IFT140: variants seen among roughly 807,000 people sequenced by gnomAD.
IFT140 encodes the protein intraflagellar transport protein 140 homolog.
A neutral mutation model predicts 164.6 loss-of-function variants in IFT140; 133 were observed. The observed-to-expected ratio is 0.81, with a 90% CI of 0.70 to 0.93. IFT140 has a LOEUF of 0.93. Among genes scored for constraint, IFT140 ranks in the 40% least tolerant of loss-of-function variants. The pLI is 0.00. For synonymous variants in IFT140, 860 were observed against 817.3 expected, an observed-to-expected ratio of 1.05 and a Z score of -0.89; for missense variants, 2,045 against 1,972.3, an observed-to-expected ratio of 1.04 and a Z score of -0.70.
intron 13 of IFT140, among the ~76,000 whole-genome samples, chr16:1,574,041 G>A (rs781765612): frequency 1.3e-5 from 2 of 152,148 alleles, no homozygotes; most frequent in Non-Finnish European, 2.9e-5. Flanking sequence ...GAACTAACCT[G>A]ATAAGCTGCC....
rs1445320417 is a variant in IFT140, at chr16:1,551,683, G to A, written c.2399+6252C>T. Among the ~76,000 whole-genome samples the A allele has an allele frequency of 6.6e-6, 1 of 152,150 alleles. No homozygotes were observed. Among genetic ancestry groups the A allele is most frequent in the Non-Finnish European group, 1.5e-5 (1 of 68,030 alleles). Reference sequence around the variant, plus strand: ...CCAACTTCAGGACATGCTTGTTCACGGAAGAGCCTAAGATCAGCGGCACTT... The same window carrying A: ...CCAACTTCAGGACATGCTTGTTCACAGAAGAGCCTAAGATCAGCGGCACTT... On this transcript the variant is annotated intron_variant, in intron 19 of 30. Coordinates refer to ENST00000426508, the MANE Select transcript of IFT140 (RefSeq NM_014714.4). This position sits in a 1 kb window ranked among gnomAD's most constrained non-coding sequence, Gnocchi z 4.0.
chr16:1,553,051 T>C lies in IFT140; in HGVS notation c.2399+4884A>G. The C allele has an allele frequency of 1.0e-6, 1 of 985,456 alleles. No homozygotes were observed. The highest frequency in any genetic ancestry group is 1.1e-4 in the East Asian group (1 of 8,826). The allele number at this position is 985,456 out of a possible 1,614,324, so 61.0% of individuals were successfully genotyped here. ...AAGAATGAACACAGAAACCAGTCACTGTCATTGTTCAGGACAAAATGGAGA... is the reference window on the plus strand; with the variant it reads ...AAGAATGAACACAGAAACCAGTCACCGTCATTGTTCAGGACAAAATGGAGA... On this transcript the variant is annotated intron_variant, in intron 19 of 30. Transcript: ENST00000426508. The surrounding 1 kb of genome is among the most constrained non-coding windows in gnomAD (Gnocchi z 4.4).
chr16:1,522,040 T>G (rs553816295), intron 26 of IFT140, among the ~76,000 whole-genome samples: 8 of 151,560 alleles, frequency 5.3e-5, no homozygotes, highest in African/African-American at 1.9e-4. Context: ...CTGACCAACA[T>G]GGAGAAACCC....
intron 20 of IFT140, 74 bp downstream of exon 20, chr16:1,526,545 C>A: frequency 7.2e-7 from 1 of 1,387,902 alleles, no homozygotes; most frequent in Non-Finnish European, 9.5e-7. Flanking sequence ...GGGCGTGCCT[C>A]CTCCTTCCCC....
intron 13 of IFT140, chr16:1,580,129 C>T (rs545509330): frequency 6.6e-6 from 1 of 152,346 alleles, no homozygotes; most frequent in East Asian, 1.9e-4. Flanking sequence ...TTTTCATAGC[C>T]CCGTGTATTC....
intron 19 of IFT140, among the ~76,000 whole-genome samples, chr16:1,545,871 G>A (rs1257110580): frequency 6.6e-6 from 1 of 152,218 alleles, no homozygotes; most frequent in Non-Finnish European, 1.5e-5. Context: ...GGTCTGCAAA[G>A]GGACCACCCT....
At chr16:1,583,421 G>T (rs181507813) in intron 11 of IFT140, 35 bp from the exon 12 acceptor site, 5 of 1,598,066 alleles carry the variant, frequency 3.1e-6, no homozygotes, top group Non-Finnish European at 4.3e-6. Flanking sequence ...GGCAAAGGGC[G>T]GGAAAAGTGA....
At chr16:1,574,391 C>T (rs1402576933) in intron 13 of IFT140, among the ~76,000 whole-genome samples, 1 of 152,054 alleles carries the variant, frequency 6.6e-6, no homozygotes, top group African/African-American at 2.4e-5. Context: ...GTAATTGTCC[C>T]ACCTAAGCCT....
chr16:1,586,723 G>T (rs1026108210), intron 9 of IFT140, among the ~76,000 whole-genome samples: 2 of 152,210 alleles, frequency 1.3e-5, no homozygotes, highest in Non-Finnish European at 2.9e-5. Context: ...TTTGCTTCTT[G>T]TTAGATGGGG....
intron 30 of IFT140, chr16:1,514,231 G>C (rs756795314): frequency 6.6e-6 from 1 of 151,964 alleles, no homozygotes; most frequent in African/African-American, 2.4e-5. Flanking sequence ...TTAACTGGGC[G>C]TGGTGGCGGG....
chr16:1,552,597 T>C (rs2032745417), intron 19 of IFT140, among the ~76,000 whole-genome samples: 1 of 151,428 alleles, frequency 6.6e-6, no homozygotes, highest in African/African-American at 2.4e-5. Flanking sequence ...CATTCCGCAC[T>C]GGTAGAAATG....
rs999708338 is a variant in IFT140, at chr16:1,541,382, A to G, written c.2400-14586T>C. On this transcript the variant is annotated intron_variant, in intron 19 of 30. Coordinates refer to ENST00000426508, the MANE Select transcript of IFT140 (RefSeq NM_014714.4). ...AGATGAGCTGCTTCTCCTCGGTCCC[A>G]AGTCCCTCAGCTGCTGGGAGGAGGG... 2.2e-5 allele frequency: 22 copies of G among 985,402 alleles called. No homozygotes were observed. In the Admixed American group the frequency reaches 1.0e-3, roughly 47 times the overall value. 61.0% of individuals were successfully genotyped at this position (985,402 alleles called of 1,614,324 possible). A position where few individuals can be genotyped will look rare whatever the true frequency, so the allele number is the denominator to read the frequency against.
intron 4 of IFT140, 147 bp downstream of exon 4, chr16:1,602,223 C>T: frequency 1.3e-6 from 1 of 745,300 alleles, no homozygotes; most frequent in South Asian, 1.8e-5. Flanking sequence ...GCCTTGCTTC[C>T]AATATAAAAC....
At position 1,523,604 on chromosome 16, in the gene IFT140, G is replaced by C. The variant is rs2141164348; in HGVS notation, c.3367C>G (p.Pro1123Ala). Reference protein sequence around the residue: ...IAEDLDETSDPALLARCSDFF... With the variant: ...IAEDLDETSDAALLARCSDFF... ...TCGGAGCAGCGGGCCAGGAGCGCAGGGTCTGACGTCTCATCCAGGTCCTCT... is the reference window on the plus strand; with the variant it reads ...TCGGAGCAGCGGGCCAGGAGCGCAGCGTCTGACGTCTCATCCAGGTCCTCT... The change falls in exon 26 of 31, where the codon CCT becomes GCT. Residue 1123 changes from proline (P) to alanine (A), a missense_variant. Physicochemically the swap from Pro to Ala is conservative, Grantham distance 27. Coordinates refer to ENST00000426508, the MANE Select transcript of IFT140 (RefSeq NM_014714.4). The C allele has an allele frequency of 6.2e-7, 1 of 1,613,950 alleles. No individual in the cohort carries two copies. Among genetic ancestry groups the C allele is most frequent in the Non-Finnish European group, 8.5e-7 (1 of 1,180,018 alleles).
chr16:1,553,075 G>C lies in IFT140; in HGVS notation c.2399+4860C>G, dbSNP rs2032801798. 3 of 985,326 alleles carry C rather than the reference G, an allele frequency of 3.0e-6. No individual in the cohort carries two copies. Among genetic ancestry groups the C allele is most frequent in the Non-Finnish European group, 3.6e-6 (3 of 829,942 alleles). 61.0% of individuals were successfully genotyped at this position (985,326 alleles called of 1,614,324 possible). A position where few individuals can be genotyped will look rare whatever the true frequency, so the allele number is the denominator to read the frequency against. ...CTGTCATTGTTCAGGACAAAATGGAGATAGATAAATGCTTAATTCATACTT... is the reference window on the plus strand; with the variant it reads ...CTGTCATTGTTCAGGACAAAATGGACATAGATAAATGCTTAATTCATACTT... On this transcript the variant is annotated intron_variant, in intron 19 of 30. Coordinates refer to ENST00000426508, the MANE Select transcript of IFT140 (RefSeq NM_014714.4). This position sits in a 1 kb window ranked among gnomAD's most constrained non-coding sequence, Gnocchi z 4.4.
chr16:1,562,219 C>A, intron 17 of IFT140, 103 bp from the exon 18 acceptor site: 1 of 967,634 alleles, frequency 1.0e-6, no homozygotes. Flanking sequence ...ACGGTGGGGT[C>A]GTTGCTACAC....
Position 1,533,987 on chromosome 16 carries a change from G to C in IFT140, c.2400-7191C>G. 2.1e-6 allele frequency: 1 copy of C among 465,762 alleles called. No individual in the cohort carries two copies. Among genetic ancestry groups the C allele is most frequent in the Admixed American group, 4.3e-5 (1 of 23,432 alleles). The allele number at this position is 465,762 out of a possible 1,614,324, so 28.9% of individuals were successfully genotyped here. ...GGCCTCCGCTTCCCGGGAAGACGGC[G>C]CACTCCTGGCCCTGGGTTCTTGCTG... On this transcript the variant is annotated intron_variant, in intron 19 of 30. Coordinates refer to ENST00000426508, the MANE Select transcript of IFT140 (RefSeq NM_014714.4). This position sits in a 1 kb window ranked among gnomAD's most constrained non-coding sequence, Gnocchi z 4.7.
intron 18 of IFT140, among the ~76,000 whole-genome samples, chr16:1,558,813 G>A (rs2033247001): frequency 6.6e-6 from 1 of 152,238 alleles, no homozygotes; most frequent in South Asian, 2.1e-4. Context: ...GGATCACGAC[G>A]CAGCCTTCTG....
At chr16:1,516,769 CA>C (rs777538656) in intron 30 of IFT140, among the ~76,000 whole-genome samples, 3,836 of 53,200 alleles carry the variant, frequency 0.072, 100 homozygotes, top group African/African-American at 0.2. Context: ...CACTCTGTCT[CA>C]AAAAAAAAAA....
Sources: gnomAD v4.1 joint callset for allele counts (sites outside exome capture counted in the v4.1 genomes callset) on GRCh38, gnomAD v4.1.1 for gene constraint, Gnocchi (gnomAD v3.1) non-coding constraint, MANE v1.5 for transcripts, NCBI Gene and HGNC (gene_info 2026-07-23, HGNC 2026-07-21) for gene names.